TENM2: variants seen among roughly 807,000 people sequenced by gnomAD.
TENM2 encodes teneurin-2.
Under a neutral mutation model 245.2 loss-of-function variants are expected in TENM2, and 52 were observed. That is an observed-to-expected ratio of 0.21 (90% CI 0.17 to 0.27). The LOEUF (loss-of-function observed/expected upper bound fraction) is 0.27, where lower values mean the gene tolerates loss of function less well. Ranked by LOEUF, TENM2 falls within the 10% of genes least tolerant of loss-of-function variation. TENM2 has a pLI of 1.00. For synonymous variants in TENM2, 1,363 were observed against 1,438.9 expected (o/e 0.95, Z 1.19); for missense variants, 3,046 against 3,666.8 (o/e 0.83, Z 4.37).
At chr5:168,217,874 G>C (rs535726951) in intron 22 of TENM2, among the ~76,000 whole-genome samples, 1 of 152,168 alleles carries the variant, frequency 6.6e-6, no homozygotes, top group South Asian at 2.1e-4. Flanking sequence ...AGCATCATAG[G>C]TAGAGCTGAT....
the TENM2 span, among the ~76,000 whole-genome samples, chr5:167,025,148 T>C: frequency 6.6e-6 from 1 of 152,194 alleles, no homozygotes; most frequent in Admixed American, 6.5e-5. Context: ...TGGCCACACT[T>C]AAAAAAGTAG....
intron 2 of TENM2, among the ~76,000 whole-genome samples, chr5:167,484,829 A>T (rs1033799397): frequency 7.2e-5 from 11 of 152,206 alleles, no homozygotes; most frequent in Non-Finnish European, 1.5e-4. Context: ...CATCAAAAAA[A>T]TCAAATTCCT....
chr5:168,002,380 T>C (rs1329507429), intron 5 of TENM2, among the ~76,000 whole-genome samples: 2 of 152,264 alleles, frequency 1.3e-5, no homozygotes, highest in African/African-American at 4.8e-5. Flanking sequence ...TGCTTACTTA[T>C]ATTACACCAT....
chr5:167,112,496 T>A, the TENM2 span, among the ~76,000 whole-genome samples: 1 of 152,188 alleles, frequency 6.6e-6, no homozygotes, highest in East Asian at 1.9e-4. Context: ...GGTAATAAAT[T>A]GTCTTGAGAA....
chr5:167,834,697 T>C (rs1414720330), intron 2 of TENM2, among the ~76,000 whole-genome samples: 1 of 149,710 alleles, frequency 6.7e-6, no homozygotes, highest in Non-Finnish European at 1.5e-5. Context: ...TAGCCCAGGC[T>C]GGAATGCAGT....
chr5:167,329,579 A>AAAAAAAAAAAAAC, intron 1 of TENM2, among the ~76,000 whole-genome samples: 1 of 149,984 alleles, frequency 6.7e-6, no homozygotes. Context: ...AAAAAAAAAA[A>AAAAAAAAAAAAAC]AGAGGTGGCA....
chr5:167,203,281 TC>T, the TENM2 span, among the ~76,000 whole-genome samples: 1 of 152,168 alleles, frequency 6.6e-6, no homozygotes, highest in African/African-American at 2.4e-5. Context: ...CTGCATCACT[TC>T]TGTTACACTT....
intron 2 of TENM2, among the ~76,000 whole-genome samples, chr5:167,780,740 T>C (rs1165978242): frequency 6.6e-6 from 1 of 152,046 alleles, no homozygotes; most frequent in East Asian, 1.9e-4. Context: ...TTGATAAAAA[T>C]GTTGTGCCCA....
the TENM2 span, among the ~76,000 whole-genome samples, chr5:167,021,727 A>C: frequency 6.6e-6 from 1 of 152,136 alleles, no homozygotes; most frequent in African/African-American, 2.4e-5. Context: ...TCTCCTATTT[A>C]CTGATTTTAG....
chr5:168,255,055 A>G (rs966434063), intron 27 of TENM2, among the ~76,000 whole-genome samples: 2 of 151,932 alleles, frequency 1.3e-5, no homozygotes, highest in African/African-American at 2.4e-5. Context: ...TCAAAAAAAA[A>G]AAAGAAAGAA....
In TENM2 at chr5:167,306,871, A is replaced by G. The variant is rs139538254; in HGVS notation, c.226+21808A>G. ...CTGAATATTAACTGTATGCCTCACT[A>G]TTCCCTGTAAAGTTGGTACATGAAA... On this transcript the variant is annotated intron_variant, in intron 1 of 28. Transcript: ENST00000518659. Among the ~76,000 whole-genome samples the G allele has an allele frequency of 4.0e-4, 61 of 152,334 alleles. 1 individual carries two copies. The East Asian group carries it at 0.01, about 26-fold the overall frequency.
chr5:167,324,663 G>C lies in TENM2; in HGVS notation c.226+39600G>C, dbSNP rs1404913199. Among the ~76,000 whole-genome samples the C allele has an allele frequency of 2.0e-5, 3 of 150,942 alleles. 1 individual carries two copies. The highest frequency in any genetic ancestry group is 4.4e-5 in the Non-Finnish European group (3 of 67,786). Reference sequence around the variant, plus strand: ...ATTGGGACCACGATGTATTTGGATAGAACAAGAGGAAAAAAAAACATGGAA... The same window carrying C: ...ATTGGGACCACGATGTATTTGGATACAACAAGAGGAAAAAAAAACATGGAA... On this transcript the variant is annotated intron_variant, in intron 1 of 28. Coordinates refer to ENST00000518659, the Ensembl canonical transcript of TENM2.
chr5:167,339,666 T>C (rs1245973142), intron 1 of TENM2, among the ~76,000 whole-genome samples: 1 of 152,132 alleles, frequency 6.6e-6, no homozygotes. Context: ...CATTCTGCTA[T>C]GGTATGTGTC....
the TENM2 span, among the ~76,000 whole-genome samples, chr5:167,279,263 A>C: frequency 6.6e-6 from 1 of 152,138 alleles, no homozygotes; most frequent in Admixed American, 6.5e-5. Flanking sequence ...TTTGTCCTGC[A>C]TGGGACTCAC....
intron 2 of TENM2, among the ~76,000 whole-genome samples, chr5:167,843,131 C>A (rs1312845929): frequency 6.6e-6 from 1 of 152,100 alleles, no homozygotes; most frequent in Non-Finnish European, 1.5e-5. Context: ...AGTAGACACT[C>A]AATACATAAC....
chr5:167,161,476 G>A, the TENM2 span, among the ~76,000 whole-genome samples: 1 of 152,166 alleles, frequency 6.6e-6, no homozygotes, highest in Non-Finnish European at 1.5e-5. Flanking sequence ...GAAAGCCGAA[G>A]TTAAAGAAAG....
intron 2 of TENM2, among the ~76,000 whole-genome samples, chr5:167,571,724 G>A (rs1445247590): frequency 2.0e-5 from 3 of 151,994 alleles, no homozygotes; most frequent in Non-Finnish European, 4.4e-5. Flanking sequence ...AATAAACCTC[G>A]GGCCCCTTCC....
intron 9 of TENM2, among the ~76,000 whole-genome samples, chr5:168,102,651 G>A (rs1038160308): frequency 3.9e-5 from 6 of 152,154 alleles, no homozygotes; most frequent in African/African-American, 1.4e-4. Context: ...GACCACACCT[G>A]TGGGATGAAA....
chr5:167,848,477 A>T (rs962412519), intron 2 of TENM2, among the ~76,000 whole-genome samples: 2 of 152,186 alleles, frequency 1.3e-5, no homozygotes, highest in Non-Finnish European at 2.9e-5. Flanking sequence ...TTGTATGTAT[A>T]TATCTTCATA....
Sources: gnomAD v4.1 joint callset for allele counts (sites outside exome capture counted in the v4.1 genomes callset) on GRCh38, gnomAD v4.1.1 for gene constraint, MANE v1.5 for transcripts, NCBI Gene and HGNC (gene_info 2026-07-23, HGNC 2026-07-21) for gene names.